The following ARPP21 variants were observed in gnomAD, a reference collection of about 807,000 sequenced individuals.
ARPP21 encodes the protein cAMP regulated phosphoprotein 21.
ARPP21 carries 69 observed loss-of-function variants against 113.2 expected under a neutral mutation model. That is an observed-to-expected ratio of 0.61 (90% confidence interval 0.50 to 0.74). ARPP21 has a LOEUF of 0.74. Ranked by LOEUF, ARPP21 falls within the 30% of genes least tolerant of loss-of-function variation. The pLI is 0.00. For synonymous variants in ARPP21, 368 were observed against 375.5 expected (o/e 0.98, Z 0.23); for missense variants, 1,070 against 1,037.4 (o/e 1.03, Z -0.43).
At chr3:35,650,646 G>A (rs1575426201) in intron 1 of ARPP21, among the ~76,000 whole-genome samples, 1 of 152,120 alleles carries the variant, frequency 6.6e-6, no homozygotes, top group Admixed American at 6.6e-5. Flanking sequence ...AGAAGCTTTG[G>A]TGGAGAGGAA....
intron 14 of ARPP21, among the ~76,000 whole-genome samples, chr3:35,723,699 T>A (rs961836529): frequency 2.0e-5 from 3 of 152,140 alleles, no homozygotes; most frequent in Non-Finnish European, 4.4e-5. Flanking sequence ...CAACCCCCAA[T>A]CACTTCCAAA....
chr3:35,768,388 A>T (rs1431737038), intron 19 of ARPP21, among the ~76,000 whole-genome samples: 1 of 152,046 alleles, frequency 6.6e-6, no homozygotes, highest in East Asian at 1.9e-4. Context: ...AGATTTGGTC[A>T]TTTTCAGAAA....
At chr3:35,682,094 GTATT>G (rs1181087577) in intron 3 of ARPP21, among the ~76,000 whole-genome samples, 1 of 151,848 alleles carries the variant, frequency 6.6e-6, no homozygotes, top group Non-Finnish European at 1.5e-5. Context: ...TCATAGGAAA[GTATT>G]TATTTTCTGA....
At chr3:35,725,596 G>C (rs1047082221) in intron 14 of ARPP21, among the ~76,000 whole-genome samples, 1 of 152,184 alleles carries the variant, frequency 6.6e-6, no homozygotes, top group Non-Finnish European at 1.5e-5. Flanking sequence ...TCCTCCCTGG[G>C]AATGTTCCCT....
intron 19 of ARPP21, among the ~76,000 whole-genome samples, chr3:35,776,510 T>A (rs749122085): frequency 6.6e-6 from 1 of 152,074 alleles, no homozygotes; most frequent in Non-Finnish European, 1.5e-5. Flanking sequence ...CCAGAAAAAG[T>A]TGGAAAGGTA....
Position 35,707,057 on chromosome 3 carries a change from C to G in ARPP21, c.770C>G (p.Ser257Cys), listed in dbSNP as rs771698988. 1 of 1,613,352 alleles carries G rather than the reference C, an allele frequency of 6.2e-7. No individual in the cohort carries two copies. The highest frequency in any genetic ancestry group is 1.3e-5 in the African/African-American group (1 of 74,864). ...QKRFILKRDNSSIDKEDNQQN... is the reference protein window; with the variant it reads ...QKRFILKRDNCSIDKEDNQQN... ...CGGTTTATCTTGAAGCGAGATAACT[C>G]TAGTATTGATAAAGAAGACAATCAG... is the stretch of plus-strand genomic sequence containing the variant. Residue 257 changes from serine (S) to cysteine (C), a missense_variant, in exon 10 of 21, where the codon TCT becomes TGT. Coordinates refer to ENST00000684406, the MANE Select transcript of ARPP21 (RefSeq NM_001385562.1).
At chr3:35,751,097 G>A (rs1393161925) in intron 19 of ARPP21, among the ~76,000 whole-genome samples, 3 of 152,232 alleles carry the variant, frequency 2.0e-5, no homozygotes, top group South Asian at 2.1e-4. Flanking sequence ...AGAACAATAC[G>A]AAATCAAGAC....
chr3:35,757,069 A>AT (rs142766845), intron 19 of ARPP21, among the ~76,000 whole-genome samples: 7,244 of 136,980 alleles, frequency 0.053, 388 homozygotes, highest in African/African-American at 0.14. Flanking sequence ...CCTTTTAGTG[A>AT]TTTTTTTTTT....
chr3:35,696,367 C>T (rs920302781), intron 9 of ARPP21, among the ~76,000 whole-genome samples: 6 of 151,548 alleles, frequency 4.0e-5, no homozygotes, highest in South Asian at 2.1e-4. Flanking sequence ...TCCTCTGCAG[C>T]ACTGCATTTT....
intron 19 of ARPP21, among the ~76,000 whole-genome samples, chr3:35,747,859 C>G (rs576493728): frequency 6.6e-6 from 1 of 150,850 alleles, no homozygotes; most frequent in Admixed American, 6.6e-5. Context: ...CTGCAGTGAG[C>G]CATGATCATG....
chr3:35,672,517 T>A (rs990847441), intron 1 of ARPP21, among the ~76,000 whole-genome samples: 5 of 152,078 alleles, frequency 3.3e-5, no homozygotes, highest in African/African-American at 1.2e-4. Context: ...CACAGCAAAG[T>A]CACATAGCCA....
intron 8 of ARPP21, among the ~76,000 whole-genome samples, 167 bp from the exon 9 acceptor site, chr3:35,690,698 A>G (rs1248327111): frequency 6.6e-6 from 1 of 151,674 alleles, no homozygotes; most frequent in Non-Finnish European, 1.5e-5. Context: ...TAAATCTATA[A>G]TAAGTAGAAA....
chr3:35,733,377 C>T (rs1271707659), intron 15 of ARPP21, among the ~76,000 whole-genome samples: 1 of 152,128 alleles, frequency 6.6e-6, no homozygotes, highest in Admixed American at 6.5e-5. Context: ...TGCATTTAAT[C>T]CTTTTCTCTG....
chr3:35,686,948 G>A (rs930765143), intron 5 of ARPP21, among the ~76,000 whole-genome samples: 1 of 151,326 alleles, frequency 6.6e-6, no homozygotes, highest in Non-Finnish European at 1.5e-5. Context: ...CAGTCCCAAT[G>A]CTGTAAATGG....
intron 1 of ARPP21, among the ~76,000 whole-genome samples, chr3:35,671,299 G>A (rs1036127258): frequency 6.6e-6 from 1 of 152,152 alleles, no homozygotes; most frequent in Admixed American, 6.6e-5. Flanking sequence ...TAACTGTGGT[G>A]AGGAAAAATT....
At chr3:35,667,948 AAAGAAGAAG>A (rs4025938) in intron 1 of ARPP21, among the ~76,000 whole-genome samples, 5,910 of 58,054 alleles carry the variant, frequency 0.1, 401 homozygotes, top group Non-Finnish European at 0.11. Flanking sequence ...GAGAAGAAGA[AAAGAAGAAG>A]AAGAAGAAGA....
intron 19 of ARPP21, among the ~76,000 whole-genome samples, chr3:35,761,437 C>G (rs962475154): frequency 3.3e-5 from 5 of 152,044 alleles, no homozygotes; most frequent in Non-Finnish European, 7.4e-5. Context: ...ACAGTAACCC[C>G]ACACACATGA....
chr3:35,785,999 C>G (rs974435500), intron 19 of ARPP21, among the ~76,000 whole-genome samples: 2 of 151,836 alleles, frequency 1.3e-5, no homozygotes, highest in African/African-American at 4.8e-5. Context: ...AAGACATTTA[C>G]GTCAAAGATG....
chr3:35,769,462 G>A (rs2096114817), intron 19 of ARPP21, among the ~76,000 whole-genome samples: 1 of 152,090 alleles, frequency 6.6e-6, no homozygotes, highest in South Asian at 2.1e-4. Flanking sequence ...AAGGAAATAG[G>A]ATCCTGAGTC....
Sources: gnomAD v4.1 joint callset for allele counts (sites outside exome capture counted in the v4.1 genomes callset) on GRCh38, gnomAD v4.1.1 for gene constraint, MANE v1.5 for transcripts, NCBI Gene and HGNC (gene_info 2026-07-23, HGNC 2026-07-21) for gene names.